PDGFC: variants seen among roughly 807,000 people sequenced by gnomAD.
PDGFC encodes platelet derived growth factor C.
A neutral mutation model predicts 35.5 loss-of-function variants in PDGFC; 12 were observed. The observed-to-expected ratio is 0.34, with a 90% CI of 0.22 to 0.55. The LOEUF is 0.55. Ranked by LOEUF, PDGFC falls within the 20% of genes least tolerant of loss-of-function variation. The pLI, the probability that PDGFC is intolerant of heterozygous loss-of-function variation, is 0.91. For synonymous variants in PDGFC, 159 were observed against 148.8 expected (o/e 1.07, Z -0.50); for missense variants, 322 against 412.4 (o/e 0.78, Z 1.90).
At chr4:156,831,739 G>T (rs1193794327) in intron 2 of PDGFC, among the ~76,000 whole-genome samples, 2 of 151,552 alleles carry the variant, frequency 1.3e-5, no homozygotes, top group Non-Finnish European at 2.9e-5. Context: ...ACCACACCCG[G>T]CCAACCCTGT....
chr4:156,840,877 T>A (rs1729186442), intron 2 of PDGFC, among the ~76,000 whole-genome samples: 1 of 152,158 alleles, frequency 6.6e-6, no homozygotes, highest in African/African-American at 2.4e-5. Context: ...ACATGTTATA[T>A]TACATGTTAC....
chr4:156,935,612 A>C (rs940999170), intron 1 of PDGFC, among the ~76,000 whole-genome samples: 1 of 152,158 alleles, frequency 6.6e-6, no homozygotes, highest in African/African-American at 2.4e-5. Context: ...ATTGACCAAA[A>C]CATGGTTATG....
chr4:156,906,911 C>T (rs1730927536), intron 1 of PDGFC, among the ~76,000 whole-genome samples: 1 of 152,164 alleles, frequency 6.6e-6, no homozygotes, highest in Non-Finnish European at 1.5e-5. Context: ...GATCTCAGCT[C>T]TGCCCCTTCC....
At chr4:156,922,472 G>A (rs1731309105) in intron 1 of PDGFC, among the ~76,000 whole-genome samples, 1 of 152,154 alleles carries the variant, frequency 6.6e-6, no homozygotes, top group African/African-American at 2.4e-5. Context: ...ATTAACATAT[G>A]GTGTGATAAG....
At chr4:156,807,603 T>C (rs181745082) in intron 3 of PDGFC, among the ~76,000 whole-genome samples, 8 of 152,076 alleles carry the variant, frequency 5.3e-5, no homozygotes, top group African/African-American at 1.4e-4. Flanking sequence ...TAATGGCAAC[T>C]TGTGTGGCAA....
At chr4:156,795,280 T>C (rs1731410206) in intron 3 of PDGFC, among the ~76,000 whole-genome samples, 1 of 152,076 alleles carries the variant, frequency 6.6e-6, no homozygotes, top group Admixed American at 6.6e-5. Context: ...TGCTGTTAAG[T>C]CAGGTATGAG....
At chr4:156,801,198 G>C (rs565197618) in intron 3 of PDGFC, among the ~76,000 whole-genome samples, 4 of 152,006 alleles carry the variant, frequency 2.6e-5, no homozygotes, top group Non-Finnish European at 4.4e-5. Flanking sequence ...CAGGGTAAAA[G>C]GACCGATTTC....
At chr4:156,951,748 A>C (rs1349126748) in intron 1 of PDGFC, among the ~76,000 whole-genome samples, 2 of 147,980 alleles carry the variant, frequency 1.4e-5, no homozygotes, top group Non-Finnish European at 3.0e-5. Context: ...AAAAAAAAAC[A>C]AAAAACCCTC....
intron 2 of PDGFC, among the ~76,000 whole-genome samples, chr4:156,847,528 G>C (rs1729354397): frequency 6.6e-6 from 1 of 151,762 alleles, no homozygotes; most frequent in Non-Finnish European, 1.5e-5. Flanking sequence ...TAAATGCAAT[G>C]AGTTTAATCT....
intron 1 of PDGFC, among the ~76,000 whole-genome samples, chr4:156,923,521 G>T (rs1332005282): frequency 6.6e-6 from 1 of 152,156 alleles, no homozygotes; most frequent in Admixed American, 6.5e-5. Flanking sequence ...GTTGTAGAAG[G>T]CGATTAATTT....
At chr4:156,887,040 A>T (rs1425051803) in intron 1 of PDGFC, among the ~76,000 whole-genome samples, 2 of 152,330 alleles carry the variant, frequency 1.3e-5, no homozygotes, top group Admixed American at 1.3e-4. Flanking sequence ...ATTCACACAT[A>T]ATACACATCC....
At chr4:156,889,503 C>A (rs1359488245) in intron 1 of PDGFC, among the ~76,000 whole-genome samples, 2 of 152,176 alleles carry the variant, frequency 1.3e-5, no homozygotes, top group Non-Finnish European at 2.9e-5. Context: ...ATTTGGGTCA[C>A]CTTCAAGGTT....
chr4:156,845,109 A>C (rs1729293642), intron 2 of PDGFC, among the ~76,000 whole-genome samples: 1 of 151,916 alleles, frequency 6.6e-6, no homozygotes, highest in Non-Finnish European at 1.5e-5. Flanking sequence ...AAACTCATAT[A>C]TATATGAAAA....
chr4:156,771,196 A>T (rs1355509146), intron 4 of PDGFC, among the ~76,000 whole-genome samples: 2 of 152,180 alleles, frequency 1.3e-5, no homozygotes, highest in Admixed American at 6.6e-5. Flanking sequence ...CTCTGGCCAA[A>T]TCTTTGAGCA....
At chr4:156,852,681 A>G (rs567140501) in intron 1 of PDGFC, among the ~76,000 whole-genome samples, 5 of 152,266 alleles carry the variant, frequency 3.3e-5, no homozygotes, top group East Asian at 3.9e-4. Flanking sequence ...TGAGTTAATC[A>G]TATTTGGGTG....
intron 3 of PDGFC, among the ~76,000 whole-genome samples, chr4:156,792,868 C>T (rs1422840291): frequency 1.3e-5 from 2 of 152,120 alleles, no homozygotes; most frequent in Non-Finnish European, 2.9e-5. Flanking sequence ...TTAAAGATTT[C>T]CAGAGGGTAT....
intron 1 of PDGFC, among the ~76,000 whole-genome samples, chr4:156,863,666 T>C (rs913650179): frequency 1.3e-5 from 2 of 152,176 alleles, no homozygotes; most frequent in African/African-American, 4.8e-5. Flanking sequence ...TGCTGGATTC[T>C]GGCTTCACTC....
chr4:156,960,925 C>A lies in PDGFC; in HGVS notation c.118+9861G>T, dbSNP rs142191679. On this transcript the variant is annotated intron_variant, in intron 1 of 5. Coordinates refer to ENST00000502773, the MANE Select transcript of PDGFC (RefSeq NM_016205.3). Reference sequence around the variant, plus strand: ...TTCCTATGTTCTTTACAATTTGCACCCTGCCTGACATAAGATCTCAGGTTT... The same window carrying A: ...TTCCTATGTTCTTTACAATTTGCACACTGCCTGACATAAGATCTCAGGTTT... Among the ~76,000 whole-genome samples, 284 of 152,058 alleles carry A rather than the reference C, an allele frequency of 1.9e-3. 11 individuals carry two copies. The East Asian group carries it at 0.051, about 27-fold the overall frequency.
At chr4:156,905,729 C>G (rs1313543425) in intron 1 of PDGFC, among the ~76,000 whole-genome samples, 1 of 152,052 alleles carries the variant, frequency 6.6e-6, no homozygotes, top group African/African-American at 2.4e-5. Flanking sequence ...TGCCCAGATA[C>G]CAAAGTAAGT....
Sources: gnomAD v4.1 joint callset for allele counts (sites outside exome capture counted in the v4.1 genomes callset) on GRCh38, gnomAD v4.1.1 for gene constraint, MANE v1.5 for transcripts, NCBI Gene and HGNC (gene_info 2026-07-23, HGNC 2026-07-21) for gene names.